GPC3: variants seen among roughly 807,000 people sequenced by gnomAD.
The protein encoded by GPC3 is glypican 3.
In GPC3, 3 loss-of-function variants were observed where a neutral mutation model predicts 34.4. The ratio of observed to expected loss-of-function variants is 0.09; its 90% CI spans 0.04 to 0.23. GPC3 has a LOEUF of 0.23. Among genes scored for constraint, GPC3 ranks in the 10% least tolerant of loss-of-function variants. The pLI is 1.00. For missense variants in GPC3, 351 were observed against 445.6 expected, an observed-to-expected ratio of 0.79 and a Z score of 1.91; for synonymous variants, 177 against 174.0, an observed-to-expected ratio of 1.02 and a Z score of -0.13.
At chrX:133,953,497 CA>C (rs945198971) in intron 1 of GPC3, among the ~76,000 whole-genome samples, 2 of 111,312 alleles carry the variant, frequency 1.8e-5, no homozygotes, top group African/African-American at 6.5e-5. Context: ...TTTATAGCAC[CA>C]AAAACACATC....
At chrX:133,959,888 G>C (rs1358274212) in intron 1 of GPC3, among the ~76,000 whole-genome samples, 1 of 111,922 alleles carries the variant, frequency 8.9e-6, no homozygotes, top group Non-Finnish European at 1.9e-5. Context: ...TTAGGTTACT[G>C]GTTACATGGG....
intron 1 of GPC3, among the ~76,000 whole-genome samples, chrX:133,969,747 G>C (rs1030489227): frequency 4.5e-5 from 5 of 111,507 alleles, no homozygotes; most frequent in African/African-American, 1.6e-4. Flanking sequence ...AATAGTAGTA[G>C]ATATCTATTT....
intron 3 of GPC3, among the ~76,000 whole-genome samples, chrX:133,735,796 C>G (rs2071505622): frequency 9.2e-6 from 1 of 108,893 alleles, no homozygotes; most frequent in Non-Finnish European, 1.9e-5. Context: ...AACCTCATCT[C>G]TACAAAAAAT....
intron 2 of GPC3, among the ~76,000 whole-genome samples, chrX:133,920,721 A>G (rs1452547544): frequency 1.8e-5 from 2 of 112,309 alleles, no homozygotes; most frequent in Non-Finnish European, 3.8e-5. Context: ...AATAAAAACC[A>G]AAACAGAGCT....
rs145936452 is a variant in GPC3, at chrX:133,552,285, G to A, written c.1574-15992C>T. On this transcript the variant is annotated intron_variant, in intron 7 of 7. Transcript: ENST00000370818. ...GAGAGGTCTCATGGCAGGGAAGAAG[G>A]GTGAAAGCATAAGGGTTAAAGTGAC... Among the ~76,000 whole-genome samples, 482 of 112,022 alleles carry A rather than the reference G, an allele frequency of 4.3e-3. 1 individual carries two copies. The highest frequency in any genetic ancestry group is 0.014 in the African/African-American group (442 of 30,878).
chrX:133,930,810 GTATTT>G (rs1029845194), intron 2 of GPC3, among the ~76,000 whole-genome samples: 3 of 111,331 alleles, frequency 2.7e-5, no homozygotes, highest in Non-Finnish European at 5.7e-5. Context: ...TAATTTTTGT[GTATTT>G]TTAGTAGAGA....
intron 2 of GPC3, among the ~76,000 whole-genome samples, chrX:133,773,790 A>T (rs2071947116): frequency 9.0e-6 from 1 of 111,162 alleles, no homozygotes; most frequent in Non-Finnish European, 1.9e-5. Context: ...ATTCAGAAAA[A>T]TTTTTATGCT....
chrX:133,561,628 TC>T (rs1435444958), intron 7 of GPC3, among the ~76,000 whole-genome samples: 1 of 112,324 alleles, frequency 8.9e-6, no homozygotes, highest in Non-Finnish European at 1.9e-5. Context: ...TTTCACACAC[TC>T]TGAAGCTCTT....
chrX:133,854,932 C>T (rs1451400924), intron 2 of GPC3, among the ~76,000 whole-genome samples: 1 of 112,084 alleles, frequency 8.9e-6, no homozygotes, highest in Admixed American at 9.5e-5. Flanking sequence ...TGGTGAAATA[C>T]TCATGATGCC....
intron 1 of GPC3, among the ~76,000 whole-genome samples, chrX:133,981,496 A>G (rs185847182): frequency 2.0e-4 from 23 of 112,443 alleles, no homozygotes; most frequent in Non-Finnish European, 3.4e-4. Flanking sequence ...TTCAGACCAC[A>G]TTTGAAAGAA....
intron 6 of GPC3, among the ~76,000 whole-genome samples, chrX:133,618,972 ACT>A (rs1283921805): frequency 2.7e-5 from 3 of 111,205 alleles, no homozygotes; most frequent in African/African-American, 9.8e-5. Flanking sequence ...TATCTAAAGA[ACT>A]CTTACAAGTC....
intron 2 of GPC3, among the ~76,000 whole-genome samples, chrX:133,782,856 A>G (rs2072062546): frequency 1.8e-5 from 2 of 111,597 alleles, no homozygotes; most frequent in Non-Finnish European, 3.8e-5. Flanking sequence ...GAGATCTGCC[A>G]CAAGAATAGG....
intron 6 of GPC3, among the ~76,000 whole-genome samples, chrX:133,628,481 C>A (rs376633970): frequency 1.8e-5 from 2 of 110,288 alleles, no homozygotes; most frequent in East Asian, 2.9e-4. Flanking sequence ...CATGAGGAAA[C>A]CCTGTCTCTA....
intron 3 of GPC3, among the ~76,000 whole-genome samples, chrX:133,749,193 G>A (rs1026899242): frequency 2.2e-4 from 25 of 112,138 alleles, no homozygotes; most frequent in Admixed American, 7.5e-4. Context: ...CCCAGGAGGC[G>A]GAGGTTGCAG....
At chrX:133,716,790 C>A (rs1442738359) in intron 3 of GPC3, among the ~76,000 whole-genome samples, 1 of 110,892 alleles carries the variant, frequency 9.0e-6, no homozygotes, top group Non-Finnish European at 1.9e-5. Context: ...TAAAAGCTTC[C>A]CAAATTTGAT....
At chrX:133,956,513 G>A (rs1252064927) in intron 1 of GPC3, among the ~76,000 whole-genome samples, 1 of 111,952 alleles carries the variant, frequency 8.9e-6, no homozygotes, top group African/African-American at 3.2e-5. Flanking sequence ...AATCCTATGT[G>A]GCAGGTACTT....
At chrX:133,891,445 T>C (rs889616283) in intron 2 of GPC3, among the ~76,000 whole-genome samples, 4 of 110,447 alleles carry the variant, frequency 3.6e-5, no homozygotes, top group Non-Finnish European at 5.7e-5. Flanking sequence ...TTTTATAGTA[T>C]GTGAATTATA....
chrX:133,638,989 C>G (rs2070456781), intron 6 of GPC3, among the ~76,000 whole-genome samples: 1 of 111,216 alleles, frequency 9.0e-6, no homozygotes, highest in South Asian at 3.8e-4. Context: ...TAGACTTTTC[C>G]CTCAGGCTCC....
rs149562050 is a variant in GPC3, at chrX:133,896,101, C to G, written c.337+56949G>C. Among the ~76,000 whole-genome samples the G allele has an allele frequency of 9.7e-3, 1,086 of 111,916 alleles. 15 individuals carry two copies. The highest frequency in any genetic ancestry group is 0.032 in the African/African-American group (971 of 30,813). ...TCAAGGCTGGGTGTGGTGGCTCACT[C>G]CTGTAATCCCAGCATTTTGGGAGGC... On this transcript the variant is annotated intron_variant, in intron 2 of 7. Coordinates refer to ENST00000370818, the MANE Select transcript of GPC3 (RefSeq NM_004484.4).
Sources: gnomAD v4.1 joint callset for allele counts (sites outside exome capture counted in the v4.1 genomes callset) on GRCh38, gnomAD v4.1.1 for gene constraint, MANE v1.5 for transcripts, NCBI Gene and HGNC (gene_info 2026-07-23, HGNC 2026-07-21) for gene names.